Variants in SORCS2 observed in about 807,000 individuals in gnomAD.
SORCS2 encodes sortilin related VPS10 domain containing receptor 2, also known as VPS10 domain-containing receptor SorCS2.
SORCS2 carries 100 observed loss-of-function variants against 141.6 expected under a neutral mutation model. The ratio of observed to expected loss-of-function variants is 0.71; its 90% CI spans 0.60 to 0.83. The LOEUF is 0.83. Ranked by LOEUF, SORCS2 falls within the 40% of genes least tolerant of loss-of-function variation. The pLI, the probability that SORCS2 is intolerant of heterozygous loss-of-function variation, is 0.00. For synonymous variants in SORCS2, 789 were observed against 676.9 expected, an observed-to-expected ratio of 1.17 and a Z score of -2.57; for missense variants, 1,646 against 1,560.2, an observed-to-expected ratio of 1.05 and a Z score of -0.93.
chr4:7,434,664 G>A lies in SORCS2; in HGVS notation c.548+38309G>A, dbSNP rs770687750. 8.7e-6 allele frequency: 14 copies of A among 1,612,886 alleles called. No homozygotes were observed. The East Asian group carries it at 1.3e-4, about 15-fold the overall frequency. On this transcript the variant is annotated intron_variant, in intron 2 of 26. Coordinates refer to ENST00000507866, the MANE Select transcript of SORCS2 (RefSeq NM_020777.3). ...CAGGGTTCAGCCCATTGCCAGCGGCGGCTGCTATGTCCTGGCATACGTCGC... is the reference window on the plus strand; with the variant it reads ...CAGGGTTCAGCCCATTGCCAGCGGCAGCTGCTATGTCCTGGCATACGTCGC...
intron 2 of SORCS2, among the ~76,000 whole-genome samples, chr4:7,480,182 T>C (rs1730545841): frequency 6.6e-6 from 1 of 152,198 alleles, no homozygotes; most frequent in African/African-American, 2.4e-5. Flanking sequence ...TATTCTGGGC[T>C]TTGCCCTGAA....
At position 7,740,654 on chromosome 4, in the gene SORCS2, C is replaced by T. The variant is rs1028920050; in HGVS notation, c.*390C>T. On this transcript the variant is annotated 3_prime_UTR_variant, in exon 27 of 27. Transcript: ENST00000507866. ...GAGCTGCAGACCCGTTCAGACACTG[C>T]GTTGCGGGCTCCTTCCCCGCAGAGG... is the stretch of plus-strand genomic sequence containing the variant. The T allele has an allele frequency of 3.9e-5, 11 of 283,124 alleles. No homozygotes were observed. The highest frequency in any genetic ancestry group is 2.4e-4 in the East Asian group (4 of 16,682). The allele number at this position is 283,124 out of a possible 1,614,324, so 17.5% of individuals were successfully genotyped here. A position where few individuals can be genotyped will look rare whatever the true frequency, so the allele number is the denominator to read the frequency against.
At chr4:7,289,018 T>C (rs1010867262) in intron 1 of SORCS2, among the ~76,000 whole-genome samples, 1 of 152,028 alleles carries the variant, frequency 6.6e-6, no homozygotes, top group African/African-American at 2.4e-5. Context: ...GTCTTCTAGG[T>C]TGACTCTATT....
chr4:7,427,339 C>A (rs1726515772), intron 2 of SORCS2, among the ~76,000 whole-genome samples: 2 of 152,150 alleles, frequency 1.3e-5, no homozygotes, highest in South Asian at 4.1e-4. Flanking sequence ...TAAGCATAGG[C>A]CTGGGGCCTC....
At chr4:7,229,418 C>G (rs960118315) in intron 1 of SORCS2, among the ~76,000 whole-genome samples, 1 of 152,214 alleles carries the variant, frequency 6.6e-6, no homozygotes, top group Non-Finnish European at 1.5e-5. Flanking sequence ...ATCCTCTTCC[C>G]TTGCTCCAAG....
intron 2 of SORCS2, among the ~76,000 whole-genome samples, chr4:7,413,391 C>T (rs75212859): frequency 4.8e-4 from 41 of 84,810 alleles, no homozygotes; most frequent in South Asian, 6.7e-4. Flanking sequence ...TTCACAGCTG[C>T]TTTTTTTTTT....
chr4:7,192,762 T>G lies in SORCS2; in HGVS notation c.116T>G (p.Leu39Arg). ...CCGCGCTCGCGGCCGCTCCTGCTGC[T>G]GCTGCTGCTGCTGGGCGCCTGCGGG... ...RSPRSRPLLL[L>R]LLLLGACGAA... The change falls in exon 1 of 27, where the codon CTG (leucine) becomes CGG (arginine). Residue 39 changes from leucine to arginine, a missense_variant. By Grantham distance (102) the Leu-to-Arg change is moderately radical (BLOSUM62 -2). Coordinates refer to ENST00000507866, the MANE Select transcript of SORCS2 (RefSeq NM_020777.3). The surrounding 1 kb of genome is among the most constrained non-coding windows in gnomAD (Gnocchi z 4.0). 2.0e-6 allele frequency: 2 copies of G among 1,002,836 alleles called. No individual in the cohort carries two copies. Among genetic ancestry groups the G allele is most frequent in the Non-Finnish European group, 2.4e-6 (2 of 843,438 alleles). 62.1% of individuals were successfully genotyped at this position (1,002,836 alleles called of 1,614,324 possible). A position where few individuals can be genotyped will look rare whatever the true frequency, so the allele number is the denominator to read the frequency against.
At chr4:7,621,475 CTG>C (rs956098892) in intron 3 of SORCS2, among the ~76,000 whole-genome samples, 7 of 143,472 alleles carry the variant, frequency 4.9e-5, no homozygotes, top group African/African-American at 1.3e-4. Context: ...ATGTGTGTGT[CTG>C]TGTGTGTTTA....
intron 2 of SORCS2, among the ~76,000 whole-genome samples, chr4:7,526,012 TCC>T (rs1351296898): frequency 8.7e-6 from 1 of 115,330 alleles, no homozygotes; most frequent in East Asian, 2.4e-4. Context: ...ACCTGTCCCC[TCC>T]TCAGTCACCT....
chr4:7,275,992 A>C (rs1265851512), intron 1 of SORCS2, among the ~76,000 whole-genome samples: 1 of 152,206 alleles, frequency 6.6e-6, no homozygotes, highest in East Asian at 1.9e-4. Flanking sequence ...GTGAGACGGT[A>C]GAGTGAAAAC....
chr4:7,654,457 GT>G (rs1721630434), intron 5 of SORCS2, among the ~76,000 whole-genome samples: 1 of 152,326 alleles, frequency 6.6e-6, no homozygotes, highest in Non-Finnish European at 1.5e-5. Context: ...AGGGGTTGGT[GT>G]CCCTCAGGCC....
chr4:7,684,683 G>A (rs537207729), intron 10 of SORCS2, among the ~76,000 whole-genome samples: 6 of 152,340 alleles, frequency 3.9e-5, no homozygotes, highest in Non-Finnish European at 7.3e-5. Context: ...GCAAATCTGC[G>A]TGAGCACTTG....
At chr4:7,457,517 G>C (rs1468514595) in intron 2 of SORCS2, among the ~76,000 whole-genome samples, 1 of 152,036 alleles carries the variant, frequency 6.6e-6, no homozygotes, top group Admixed American at 6.5e-5. Flanking sequence ...CAGAGGGCCT[G>C]GTTCACACCA....
chr4:7,674,516 G>T (rs1414040087), intron 8 of SORCS2, among the ~76,000 whole-genome samples: 2 of 148,166 alleles, frequency 1.3e-5, no homozygotes, highest in Non-Finnish European at 3.0e-5. Context: ...AGAGCTTGCA[G>T]TGAGCTGAGA....
intron 1 of SORCS2, among the ~76,000 whole-genome samples, chr4:7,240,156 G>C (rs151329489): frequency 6.6e-6 from 1 of 152,300 alleles, no homozygotes; most frequent in East Asian, 1.9e-4. Flanking sequence ...CCGGCCCCAC[G>C]GGGCTGTCGT....
intron 1 of SORCS2, among the ~76,000 whole-genome samples, chr4:7,268,619 C>T (rs1714907306): frequency 1.3e-5 from 2 of 152,332 alleles, no homozygotes; most frequent in South Asian, 2.1e-4. Flanking sequence ...CAGTAAAGCC[C>T]AGGGCAGCCT....
chr4:7,533,915 C>T (rs1046420826), intron 3 of SORCS2, among the ~76,000 whole-genome samples: 17 of 152,292 alleles, frequency 1.1e-4, no homozygotes, highest in Admixed American at 7.2e-4. Context: ...GCCTTCTGTG[C>T]GGGCCAAAGG....
intron 9 of SORCS2, among the ~76,000 whole-genome samples, chr4:7,679,749 CTTTT>C (rs55936772): frequency 0.36 from 50,655 of 141,228 alleles, 8,963 homozygotes; most frequent in Non-Finnish European, 0.36. Context: ...ACTTGTGGGA[CTTTT>C]TTTTTTTTTT....
intron 1 of SORCS2, among the ~76,000 whole-genome samples, chr4:7,305,319 C>G (rs985182934): frequency 4.9e-4 from 75 of 151,656 alleles, no homozygotes; most frequent in Non-Finnish European, 1.5e-4. Context: ...GCGTGAGCCA[C>G]CACGCACGGC....
Sources: gnomAD v4.1 joint callset for allele counts (sites outside exome capture counted in the v4.1 genomes callset) on GRCh38, gnomAD v4.1.1 for gene constraint, Gnocchi (gnomAD v3.1) non-coding constraint, MANE v1.5 for transcripts, NCBI Gene and HGNC (gene_info 2026-07-23, HGNC 2026-07-21) for gene names.